Variants in MCTP1 observed in about 807,000 individuals in gnomAD.
The protein encoded by MCTP1 is multiple C2 and transmembrane domain-containing protein 1.
In MCTP1, 69 loss-of-function variants were observed where a neutral mutation model predicts 120.6. The observed-to-expected ratio is 0.57, with a 90% confidence interval of 0.47 to 0.70. The LOEUF is 0.70. MCTP1 is among the 30% of genes least tolerant of loss of function. The probability of loss-of-function intolerance (pLI) is 0.00; values close to 1 mark genes in which losing one functional copy is unlikely to be tolerated. For missense variants in MCTP1, 1,203 were observed against 1,248.8 expected (o/e 0.96, Z 0.55); for synonymous variants, 529 against 493.1 (o/e 1.07, Z -0.96).
At chr5:95,078,031 T>TATCC (rs1011387309) in intron 1 of MCTP1, among the ~76,000 whole-genome samples, 55 of 139,534 alleles carry the variant, frequency 3.9e-4, no homozygotes, top group East Asian at 1.5e-3. Context: ...ATCATCCATC[T>TATCC]ATCCATCCAT....
At chr5:95,254,884 T>A (rs937874784) in intron 1 of MCTP1, among the ~76,000 whole-genome samples, 10 of 152,194 alleles carry the variant, frequency 6.6e-5, no homozygotes, top group Admixed American at 1.3e-4. Context: ...ATTCTATTGA[T>A]ATCACTCTTT....
At chr5:95,190,861 C>T (rs1749749510) in intron 1 of MCTP1, among the ~76,000 whole-genome samples, 1 of 151,780 alleles carries the variant, frequency 6.6e-6, no homozygotes, top group African/African-American at 2.4e-5. Context: ...ATGAACAACC[C>T]AAAATGAAAC....
intron 1 of MCTP1, among the ~76,000 whole-genome samples, chr5:95,093,714 G>T (rs181130812): frequency 6.6e-6 from 1 of 152,276 alleles, no homozygotes; most frequent in African/African-American, 2.4e-5. Context: ...TGTTCCACAT[G>T]CTGTTCTCAC....
chr5:94,777,746 T>G (rs1221253171), intron 19 of MCTP1, among the ~76,000 whole-genome samples: 1 of 152,174 alleles, frequency 6.6e-6, no homozygotes, highest in African/African-American at 2.4e-5. Flanking sequence ...TTGCCAGAAG[T>G]GTATGCTCAT....
At chr5:95,180,848 A>G (rs1748523018) in intron 1 of MCTP1, among the ~76,000 whole-genome samples, 1 of 152,040 alleles carries the variant, frequency 6.6e-6, no homozygotes, top group Non-Finnish European at 1.5e-5. Context: ...TTTATATATC[A>G]TACCATTATA....
At chr5:94,881,434 A>G (rs1408769043) in intron 12 of MCTP1, among the ~76,000 whole-genome samples, 2 of 152,170 alleles carry the variant, frequency 1.3e-5, no homozygotes, top group Non-Finnish European at 2.9e-5. Flanking sequence ...AACCTTGGCC[A>G]TTAACCCTCC....
chr5:94,763,553 A>G (rs1038559144), intron 19 of MCTP1, among the ~76,000 whole-genome samples: 1 of 152,188 alleles, frequency 6.6e-6, no homozygotes, highest in Non-Finnish European at 1.5e-5. Context: ...CACCAAAACT[A>G]TTCATTACTT....
chr5:95,185,889 C>T (rs924571916), intron 1 of MCTP1, among the ~76,000 whole-genome samples: 2 of 152,130 alleles, frequency 1.3e-5, no homozygotes, highest in Non-Finnish European at 2.9e-5. Flanking sequence ...ACTCAGGAGG[C>T]TGAGGCAAAA....
chr5:95,240,320 A>G (rs1756025058), intron 1 of MCTP1, among the ~76,000 whole-genome samples: 1 of 152,230 alleles, frequency 6.6e-6, no homozygotes, highest in Admixed American at 6.5e-5. Flanking sequence ...TAAGTTTGAG[A>G]ATCATGCCTT....
intron 17 of MCTP1, among the ~76,000 whole-genome samples, chr5:94,859,197 C>A (rs2153231261): frequency 6.6e-6 from 1 of 151,732 alleles, no homozygotes; most frequent in Admixed American, 6.6e-5. Context: ...CTAGTAGAAC[C>A]TAGGTTAAAG....
intron 17 of MCTP1, among the ~76,000 whole-genome samples, chr5:94,832,303 G>T (rs1288487027): frequency 2.6e-5 from 4 of 152,074 alleles, no homozygotes; most frequent in African/African-American, 4.8e-5. Flanking sequence ...ATTGCCAAGG[G>T]GGTTAGAAAA....
chr5:95,089,558 C>G (rs73776178), intron 1 of MCTP1, among the ~76,000 whole-genome samples: 1 of 152,058 alleles, frequency 6.6e-6, no homozygotes, highest in African/African-American at 2.4e-5. Context: ...AAATGTGAAG[C>G]GAAGTTTTCT....
At chr5:95,263,707 G>A (rs1359413220) in intron 1 of MCTP1, among the ~76,000 whole-genome samples, 1 of 152,180 alleles carries the variant, frequency 6.6e-6, no homozygotes, top group Non-Finnish European at 1.5e-5. Flanking sequence ...AATAAAGAAT[G>A]TGTATTGAGC....
Position 94,710,859 on chromosome 5 carries a change from A to T in MCTP1, c.2789T>A (p.Ile930Asn). ...GTATCTCAGCGGAATGCAGTACAGG[A>T]TGGCTGTGAACACACAGAGGGCTAC... ...AIVALCVFTA[I>N]LYCIPLRYIV... Residue 930 changes from isoleucine to asparagine, a missense_variant, in exon 21 of 23, where the codon ATC (isoleucine) becomes AAC (asparagine). By Grantham distance (149) the Ile-to-Asn change is moderately radical. This residue lies in a region of MCTP1 where 740 missense variants were observed against 871.1 expected (regional missense o/e 0.85). Coordinates refer to ENST00000515393, the MANE Select transcript of MCTP1 (RefSeq NM_024717.7). The T allele has an allele frequency of 6.2e-7, 1 of 1,613,060 alleles. No homozygotes were observed. Among genetic ancestry groups the T allele is most frequent in the Non-Finnish European group, 8.5e-7 (1 of 1,179,354 alleles).
At chr5:95,009,288 T>C (rs1385671424) in intron 2 of MCTP1, among the ~76,000 whole-genome samples, 3 of 152,272 alleles carry the variant, frequency 2.0e-5, no homozygotes, top group African/African-American at 7.2e-5. Context: ...AAAATGGCTA[T>C]TACCAGATAT....
chr5:95,033,069 A>G (rs1282567497), intron 1 of MCTP1, among the ~76,000 whole-genome samples: 1 of 152,094 alleles, frequency 6.6e-6, no homozygotes, highest in Non-Finnish European at 1.5e-5. Context: ...AATCCCTTAC[A>G]AAACAATGAG....
At chr5:94,920,460 C>T (rs1037715008) in intron 7 of MCTP1, among the ~76,000 whole-genome samples, 6 of 151,900 alleles carry the variant, frequency 3.9e-5, no homozygotes, top group South Asian at 2.1e-4. Context: ...GCCAACAACT[C>T]GGCAGGGCGC....
At chr5:94,871,056 T>G (rs1034299427) in intron 14 of MCTP1, 83 bp from the exon 15 acceptor site, 2 of 1,121,894 alleles carry the variant, frequency 1.8e-6, no homozygotes, top group African/African-American at 3.1e-5. Context: ...CCCCAGCTGC[T>G]GAAACTGACA....
intron 1 of MCTP1, among the ~76,000 whole-genome samples, chr5:95,237,189 C>T (rs1489656606): frequency 6.6e-6 from 1 of 152,046 alleles, no homozygotes; most frequent in African/African-American, 2.4e-5. Flanking sequence ...CAAACATAGC[C>T]ATGGCATAGA....
Sources: allele counts gnomAD v4.1 joint callset (sites outside exome capture counted in the v4.1 genomes callset), GRCh38; gene constraint gnomAD v4.1.1; regional missense constraint gnomAD v4.1.1; transcripts MANE v1.5; gene names NCBI Gene and HGNC (gene_info 2026-07-23, HGNC 2026-07-21).